SLC36A4: variants seen among roughly 807,000 people sequenced by gnomAD.
The protein encoded by SLC36A4 is solute carrier family 36 member 4.
In SLC36A4, 49 loss-of-function variants were observed where a neutral mutation model predicts 50.5. That is an observed-to-expected ratio of 0.97 (90% CI 0.77 to 1.23). The LOEUF (loss-of-function observed/expected upper bound fraction) is 1.23. Among genes scored for constraint, SLC36A4 ranks in the 50% most tolerant of loss-of-function variants. The pLI, the probability that SLC36A4 is intolerant of heterozygous loss-of-function variation, is 0.00. For synonymous variants in SLC36A4, 207 were observed against 206.5 expected, an observed-to-expected ratio of 1.00 and a Z score of -0.02; for missense variants, 611 against 608.4, an observed-to-expected ratio of 1.00 and a Z score of -0.05.
chr11:93,182,941 G>T, intron 3 of SLC36A4, 47 bp from the exon 4 acceptor site: 1 of 1,350,062 alleles, frequency 7.4e-7, no homozygotes, highest in Non-Finnish European at 1.0e-6. Flanking sequence ...AACAGAAATT[G>T]AGTAATCTTA....
At chr11:93,158,201 A>G (rs895407192) in intron 9 of SLC36A4, among the ~76,000 whole-genome samples, 4 of 152,152 alleles carry the variant, frequency 2.6e-5, no homozygotes, top group African/African-American at 9.7e-5. Flanking sequence ...TATACCACAT[A>G]ACTGAAAGAC....
At chr11:93,158,167 C>T (rs1025607210) in intron 9 of SLC36A4, among the ~76,000 whole-genome samples, 2 of 152,144 alleles carry the variant, frequency 1.3e-5, no homozygotes, top group Non-Finnish European at 2.9e-5. Context: ...AAAGGTTACA[C>T]ATAAATGGTC....
At chr11:93,166,263 A>G in intron 7 of SLC36A4, 1 of 1,185,844 alleles carries the variant, frequency 8.4e-7, no homozygotes, top group Non-Finnish European at 1.0e-6. Flanking sequence ...GCTCCTGATT[A>G]CCTGCTTCCA....
chr11:93,169,406 C>T (rs1329577859), intron 6 of SLC36A4, among the ~76,000 whole-genome samples: 1 of 152,068 alleles, frequency 6.6e-6, no homozygotes, highest in African/African-American at 2.4e-5. Flanking sequence ...GAAAGGAGGG[C>T]CCTGCCCAAG....
At chr11:93,182,725 G>A (rs542138186) in intron 4 of SLC36A4, 81 bp downstream of exon 4, 6 of 979,520 alleles carry the variant, frequency 6.1e-6, no homozygotes, top group Non-Finnish European at 9.2e-6. Flanking sequence ...GAAATACAAA[G>A]CACAGTAGAA....
intron 10 of SLC36A4, among the ~76,000 whole-genome samples, chr11:93,152,959 G>A (rs1051346203): frequency 1.3e-5 from 2 of 151,840 alleles, no homozygotes; most frequent in Non-Finnish European, 2.9e-5. Context: ...CAGAGTATGG[G>A]CTTATTGACT....
chr11:93,160,833 ATATTATTGT>A (rs1860586355), intron 9 of SLC36A4: 5 of 807,454 alleles, frequency 6.2e-6, no homozygotes, highest in Non-Finnish European at 7.5e-6. Flanking sequence ...CCTAGTCAAA[ATATTATTGT>A]TATTATTAAT....
intron 9 of SLC36A4, among the ~76,000 whole-genome samples, chr11:93,162,466 G>A (rs1235816501): frequency 6.6e-6 from 1 of 151,898 alleles, no homozygotes; most frequent in African/African-American, 2.4e-5. Flanking sequence ...CCGCCACCAC[G>A]CCTGGCTAAT....
chr11:93,177,388 T>C (rs900104439), intron 6 of SLC36A4, among the ~76,000 whole-genome samples: 22 of 152,194 alleles, frequency 1.4e-4, no homozygotes, highest in African/African-American at 4.3e-4. Flanking sequence ...CTGCGAAGGG[T>C]TCGAACATCC....
chr11:93,197,686 G>T, intron 1 of SLC36A4, 92 bp downstream of exon 1: 1 of 1,394,800 alleles, frequency 7.2e-7, no homozygotes. Context: ...CTCAGGCCAA[G>T]CGCGGGGCCC....
At position 93,145,027 on chromosome 11, in the gene SLC36A4, C is replaced by T. The variant is rs1194168763; in HGVS notation, c.*3510G>A. ...ATGAAGAAAGAAGTGAGGTCAAGAC[C>T]TAGTTTGTGTATACTGTCAGTAAAC... On this transcript the variant is annotated 3_prime_UTR_variant, in exon 11 of 11. Coordinates refer to ENST00000326402, the MANE Select transcript of SLC36A4 (RefSeq NM_152313.4). The T allele has an allele frequency of 6.6e-6, 1 of 151,906 alleles. No individual in the cohort carries two copies. The highest frequency in any genetic ancestry group is 6.6e-5 in the Admixed American group (1 of 15,220). 9.4% of individuals were successfully genotyped at this position (151,906 alleles called of 1,614,324 possible). A position where few individuals can be genotyped will look rare whatever the true frequency, so the allele number is the denominator to read the frequency against.
chr11:93,162,896 T>A, intron 8 of SLC36A4, 21 bp from the exon 9 acceptor site: 1 of 1,589,574 alleles, frequency 6.3e-7, no homozygotes, highest in Admixed American at 1.8e-5. Context: ...AATACAATAC[T>A]TTTTTTTAAG....
chr11:93,182,854 A>G lies in SLC36A4; in HGVS notation c.311T>C (p.Val104Ala), dbSNP rs780221885. The change falls in exon 4 of 11, where the codon GTT becomes GCT. Residue 104 changes from valine to alanine, a missense_variant. Coordinates refer to ENST00000326402, the MANE Select transcript of SLC36A4 (RefSeq NM_152313.4). ...ACGTACCAATATGTGCATACAGTGA[A>G]CAGAAATAATTCCTATAAACACAAG... ...ISLVFIGIISVHCMHILVRCS... is the reference protein window; with the variant it reads ...ISLVFIGIISAHCMHILVRCS... The G allele has an allele frequency of 2.5e-6, 4 of 1,613,174 alleles. No homozygotes were observed. Among genetic ancestry groups the G allele is most frequent in the East Asian group, 4.5e-5 (2 of 44,746 alleles).
At chr11:93,177,232 G>A (rs1366261648) in intron 6 of SLC36A4, among the ~76,000 whole-genome samples, 1 of 152,004 alleles carries the variant, frequency 6.6e-6, no homozygotes, top group Non-Finnish European at 1.5e-5. Flanking sequence ...TCTTCCACTT[G>A]ATTGAATCAG....
intron 9 of SLC36A4, chr11:93,160,216 A>G (rs1860557565): frequency 6.1e-6 from 6 of 985,422 alleles, no homozygotes; most frequent in Non-Finnish European, 7.2e-6. Context: ...CAGAGTCCAC[A>G]CAGAAACAGA....
chr11:93,183,094 A>G (rs1338624296), intron 3 of SLC36A4, among the ~76,000 whole-genome samples, 200 bp from the exon 4 acceptor site: 1 of 152,200 alleles, frequency 6.6e-6, no homozygotes, highest in African/African-American at 2.4e-5. Context: ...GTATAATTCC[A>G]TCTTATTAAC....
intron 1 of SLC36A4, among the ~76,000 whole-genome samples, chr11:93,187,108 T>C (rs1862016723): frequency 6.6e-6 from 1 of 152,182 alleles, no homozygotes; most frequent in Non-Finnish European, 1.5e-5. Context: ...ATAAAATCCT[T>C]GGCTCACACT....
chr11:93,197,534 C>CCA (rs1294461979), intron 1 of SLC36A4: 2 of 548,734 alleles, frequency 3.6e-6, no homozygotes, highest in Non-Finnish European at 6.4e-6. Context: ...ACACACTCAC[C>CCA]CACACGCGCG....
At position 93,146,927 on chromosome 11, in the gene SLC36A4, A is replaced by AT. The variant is rs975688323; in HGVS notation, c.*1609dup. 1.2e-4 allele frequency: 19 copies of AT among 152,062 alleles called. No homozygotes were observed. Among genetic ancestry groups the AT allele is most frequent in the Admixed American group, 8.5e-4 (13 of 15,232 alleles). The allele number at this position is 152,062 out of a possible 1,614,324, so 9.4% of individuals were successfully genotyped here. ...TCAATATTTAGAAGGGAGTTTATGG[A>AT]TTTTTTCTAAGCATGAATCCCTTTA... On this transcript the variant is annotated 3_prime_UTR_variant, in exon 11 of 11. Transcript: ENST00000326402.
Sources: allele counts gnomAD v4.1 joint callset (sites outside exome capture counted in the v4.1 genomes callset), GRCh38; gene constraint gnomAD v4.1.1; transcripts MANE v1.5; gene names NCBI Gene and HGNC (gene_info 2026-07-23, HGNC 2026-07-21).